RNF13: variants seen among roughly 807,000 people sequenced by gnomAD.
The protein encoded by RNF13 is E3 ubiquitin-protein ligase RNF13.
A neutral mutation model predicts 37.7 loss-of-function variants in RNF13; 19 were observed. The observed-to-expected ratio is 0.50, with a 90% CI of 0.35 to 0.74. The LOEUF (loss-of-function observed/expected upper bound fraction) is 0.74. Ranked by LOEUF, RNF13 falls within the 30% of genes least tolerant of loss-of-function variation. The probability of loss-of-function intolerance (pLI) is 0.01; values close to 1 mark genes in which losing one functional copy is unlikely to be tolerated. For synonymous variants in RNF13, 144 were observed against 157.8 expected (o/e 0.91, Z 0.65); for missense variants, 375 against 453.0 (o/e 0.83, Z 1.56).
At chr3:149,899,697 A>G (rs755417130) in intron 5 of RNF13, among the ~76,000 whole-genome samples, 1 of 152,184 alleles carries the variant, frequency 6.6e-6, no homozygotes, top group East Asian at 1.9e-4. Flanking sequence ...GAATATGGCT[A>G]TATTTTGAAG....
intron 4 of RNF13, among the ~76,000 whole-genome samples, chr3:149,876,064 G>A (rs971971250): frequency 1.3e-5 from 2 of 152,244 alleles, no homozygotes; most frequent in African/African-American, 4.8e-5. Context: ...AATTTTCTGT[G>A]TATATAACTG....
chr3:149,899,006 G>A (rs943497323), intron 5 of RNF13, among the ~76,000 whole-genome samples: 1 of 152,140 alleles, frequency 6.6e-6, no homozygotes, highest in Non-Finnish European at 1.5e-5. Context: ...GATAAAGCAT[G>A]CTTGGTGTTT....
chr3:149,961,876 A>C lies in RNF13; in HGVS notation c.*772A>C, dbSNP rs776942351. Reference sequence around the variant, plus strand: ...ACTCAGATCATATACCTCTTAATAAATAGCATCTTATGCTAATTAGCCCTG... The same window carrying C: ...ACTCAGATCATATACCTCTTAATAACTAGCATCTTATGCTAATTAGCCCTG... On this transcript the variant is annotated 3_prime_UTR_variant, in exon 10 of 10. Transcript: ENST00000392894. The C allele has an allele frequency of 1.3e-5, 2 of 152,856 alleles. No individual in the cohort carries two copies. Among genetic ancestry groups the C allele is most frequent in the Non-Finnish European group, 2.9e-5 (2 of 68,202 alleles). 9.5% of individuals were successfully genotyped at this position (152,856 alleles called of 1,614,324 possible).
intron 6 of RNF13, among the ~76,000 whole-genome samples, chr3:149,905,246 AGTT>A (rs1716270904): frequency 6.6e-6 from 1 of 152,168 alleles, no homozygotes; most frequent in Non-Finnish European, 1.5e-5. Flanking sequence ...TCACCAACAA[AGTT>A]GTTGTCAGAT....
chr3:149,841,530 G>A (rs899863153), intron 1 of RNF13, among the ~76,000 whole-genome samples: 1 of 152,224 alleles, frequency 6.6e-6, no homozygotes, highest in African/African-American at 2.4e-5. Context: ...CCAGCAAGGT[G>A]ATTGCTGGAA....
At chr3:149,827,735 G>A (rs944710045) in intron 1 of RNF13, among the ~76,000 whole-genome samples, 2 of 152,286 alleles carry the variant, frequency 1.3e-5, no homozygotes, top group East Asian at 1.9e-4. Context: ...AGGTGCATAG[G>A]CAGGCTGCAA....
chr3:149,902,228 A>C (rs1688191694), intron 6 of RNF13, 66 bp downstream of exon 6: 1 of 711,588 alleles, frequency 1.4e-6, no homozygotes. Context: ...AGAATTATAT[A>C]ATATTGTAAT....
At chr3:149,939,916 G>T in intron 8 of RNF13, 1 of 281,580 alleles carries the variant, frequency 3.6e-6, no homozygotes. Context: ...TATTTAAAGT[G>T]GGTTTCTTTT....
intron 4 of RNF13, among the ~76,000 whole-genome samples, chr3:149,893,232 C>T (rs550366101): frequency 6.6e-6 from 1 of 152,312 alleles, no homozygotes; most frequent in Non-Finnish European, 1.5e-5. Flanking sequence ...GACCACTTTT[C>T]TCTGTGTTCT....
intron 3 of RNF13, among the ~76,000 whole-genome samples, chr3:149,862,213 G>A (rs1184559236): frequency 6.6e-6 from 1 of 151,964 alleles, no homozygotes; most frequent in East Asian, 1.9e-4. Flanking sequence ...AATCCCTTGT[G>A]TCATTGGACA....
chr3:149,947,352 G>A (rs1576585960), intron 8 of RNF13, among the ~76,000 whole-genome samples: 1 of 151,316 alleles, frequency 6.6e-6, no homozygotes, highest in Non-Finnish European at 1.5e-5. Context: ...TACTGAAAGT[G>A]GGGTATTGAA....
chr3:149,903,925 A>G (rs1644805758), intron 6 of RNF13, among the ~76,000 whole-genome samples: 1 of 150,754 alleles, frequency 6.6e-6, no homozygotes, highest in African/African-American at 2.4e-5. Flanking sequence ...CTATCTATCT[A>G]TATATCTGTC....
chr3:149,911,864 A>G, intron 6 of RNF13, 114 bp from the exon 7 acceptor site: 2 of 648,334 alleles, frequency 3.1e-6, no homozygotes, highest in Non-Finnish European at 5.5e-6. Flanking sequence ...TATGTAGTGG[A>G]TTTAATTGTA....
At chr3:149,827,674 C>T (rs1301558898) in intron 1 of RNF13, among the ~76,000 whole-genome samples, 6 of 152,084 alleles carry the variant, frequency 3.9e-5, no homozygotes, top group African/African-American at 1.4e-4. Context: ...GATAGAAAGT[C>T]ATATTATAAT....
At chr3:149,926,640 C>T (rs1015517801) in intron 8 of RNF13, among the ~76,000 whole-genome samples, 12 of 152,016 alleles carry the variant, frequency 7.9e-5, no homozygotes, top group Admixed American at 6.5e-4. Context: ...AAACTGGAGT[C>T]CAATTTAAGT....
At chr3:149,837,018 G>T (rs1469815924) in intron 1 of RNF13, among the ~76,000 whole-genome samples, 1 of 152,192 alleles carries the variant, frequency 6.6e-6, no homozygotes, top group Non-Finnish European at 1.5e-5. Context: ...TGTGTACCAG[G>T]TTTCAGTTTG....
At chr3:149,878,746 C>G (rs1040396918) in intron 4 of RNF13, among the ~76,000 whole-genome samples, 2 of 152,108 alleles carry the variant, frequency 1.3e-5, no homozygotes, top group African/African-American at 4.8e-5. Flanking sequence ...TCTCTATTCT[C>G]TATGTCTCTC....
intron 7 of RNF13, among the ~76,000 whole-genome samples, chr3:149,914,528 C>CT (rs1479372207): frequency 1.3e-5 from 2 of 152,038 alleles, no homozygotes; most frequent in African/African-American, 4.8e-5. Flanking sequence ...CAAAAATACC[C>CT]TTGGAAAACC....
chr3:149,897,489 T>C (rs768788320), intron 5 of RNF13, among the ~76,000 whole-genome samples: 76 of 152,300 alleles, frequency 5.0e-4, no homozygotes, highest in Non-Finnish European at 9.7e-4. Context: ...CTAAAGAAAA[T>C]ATGTTCAATA....
Sources: gnomAD v4.1 joint callset for allele counts (sites outside exome capture counted in the v4.1 genomes callset) on GRCh38, gnomAD v4.1.1 for gene constraint, MANE v1.5 for transcripts, NCBI Gene and HGNC (gene_info 2026-07-23, HGNC 2026-07-21) for gene names.